MED12L: variants seen among roughly 807,000 people sequenced by gnomAD.
MED12L encodes mediator complex subunit 12L.
A neutral mutation model predicts 281.3 loss-of-function variants in MED12L; 60 were observed. That is an observed-to-expected ratio of 0.21 (90% CI 0.17 to 0.26). The LOEUF is 0.26. Ranked by LOEUF, MED12L falls within the 10% of genes least tolerant of loss-of-function variation. MED12L has a pLI of 1.00. For missense variants in MED12L, 2,146 were observed against 2,680.9 expected, an observed-to-expected ratio of 0.80 and a Z score of 4.41; for synonymous variants, 974 against 987.2, an observed-to-expected ratio of 0.99 and a Z score of 0.25.
At chr3:151,369,382 C>T (rs1755902583) in intron 25 of MED12L, 54 bp from the exon 26 acceptor site, 1 of 1,256,232 alleles carries the variant, frequency 8.0e-7, no homozygotes, top group East Asian at 2.4e-5. Flanking sequence ...TAAATAATTA[C>T]AAAACATTAC....
intron 16 of MED12L, among the ~76,000 whole-genome samples, chr3:151,234,390 T>C (rs1180419609): frequency 6.6e-6 from 1 of 152,236 alleles, no homozygotes; most frequent in East Asian, 1.9e-4. Flanking sequence ...ATAGTTACGT[T>C]GTAGAGCTGA....
In MED12L at chr3:151,188,475, C is replaced by T. The variant is rs761281341; in HGVS notation, c.1748C>T (p.Ser583Phe). 1 of 1,611,168 alleles carries T rather than the reference C, an allele frequency of 6.2e-7. No homozygotes were observed. Among genetic ancestry groups the T allele is most frequent in the Admixed American group, 1.7e-5 (1 of 59,708 alleles). ...AGGTTTTTAGATACACAGGCCCCCT[C>T]TTTGTGTAAGTAGAGAAAACTCTTT... Reference protein sequence around the residue: ...LLRFLDTQAPSLSDPNSECEK... With the variant: ...LLRFLDTQAPFLSDPNSECEK... The change falls in exon 13 of 45, where the codon TCT (serine) becomes TTT (phenylalanine). Residue 583 changes from serine (S) to phenylalanine (F), a missense_variant. Ser to Phe is a radical substitution (Grantham distance 155). This residue lies in a region of MED12L where 722 missense variants were observed against 861.2 expected (regional missense o/e 0.84). Coordinates refer to ENST00000687756, the MANE Select transcript of MED12L (RefSeq NM_001393769.1).
chr3:151,351,301 A>G (rs1185013930), intron 17 of MED12L, among the ~76,000 whole-genome samples: 1 of 152,214 alleles, frequency 6.6e-6, no homozygotes, highest in Non-Finnish European at 1.5e-5. Context: ...GTGTGTTTCT[A>G]TCTGCATATG....
chr3:151,380,040 G>T (rs772330526), intron 31 of MED12L, 73 bp from the exon 32 acceptor site: 197 of 959,750 alleles, frequency 2.1e-4, no homozygotes, highest in Admixed American at 8.8e-4. Context: ...GTGAGGCAAA[G>T]AAATGAATGT....
intron 9 of MED12L, 116 bp from the exon 10 acceptor site, chr3:151,165,303 GC>G: frequency 1.8e-6 from 1 of 543,632 alleles, no homozygotes. Context: ...TTCTTACAAT[GC>G]AGTCAAGATT....
intron 16 of MED12L, among the ~76,000 whole-genome samples, chr3:151,284,953 T>C (rs1743276886): frequency 6.6e-6 from 1 of 152,182 alleles, no homozygotes; most frequent in Non-Finnish European, 1.5e-5. Context: ...AAGGAACAGC[T>C]GTGCTGGTTA....
intron 16 of MED12L, among the ~76,000 whole-genome samples, chr3:151,297,051 T>C (rs1009949256): frequency 2.6e-5 from 4 of 152,174 alleles, no homozygotes; most frequent in African/African-American, 9.7e-5. Flanking sequence ...TTACCATGAG[T>C]GTTTTTAAAA....
intron 11 of MED12L, among the ~76,000 whole-genome samples, chr3:151,167,657 T>G (rs1720889661): frequency 6.6e-6 from 1 of 152,198 alleles, no homozygotes; most frequent in Admixed American, 6.5e-5. Flanking sequence ...TGAGTGTGCT[T>G]TTTAAATTCA....
chr3:151,313,361 G>A (rs889944714), intron 16 of MED12L, among the ~76,000 whole-genome samples: 1 of 152,074 alleles, frequency 6.6e-6, no homozygotes, highest in Non-Finnish European at 1.5e-5. Flanking sequence ...TATACAATAA[G>A]TCTATATCAT....
At chr3:151,284,122 T>G (rs549055011) in intron 16 of MED12L, among the ~76,000 whole-genome samples, 1 of 152,308 alleles carries the variant, frequency 6.6e-6, no homozygotes, top group South Asian at 2.1e-4. Context: ...CCACAGTTGT[T>G]CTGATAAACA....
chr3:151,390,689 A>G (rs926540098), intron 38 of MED12L, among the ~76,000 whole-genome samples: 4 of 152,262 alleles, frequency 2.6e-5, no homozygotes, highest in African/African-American at 4.8e-5. Flanking sequence ...TTTTCTTTCT[A>G]TATGAAACAT....
intron 19 of MED12L, among the ~76,000 whole-genome samples, chr3:151,356,899 A>G (rs1450856855): frequency 6.6e-6 from 1 of 152,082 alleles, no homozygotes; most frequent in African/African-American, 2.4e-5. Context: ...AATAACTTTC[A>G]TTTTATTAAA....
At chr3:151,217,188 T>C (rs1728405164) in intron 16 of MED12L, among the ~76,000 whole-genome samples, 1 of 152,228 alleles carries the variant, frequency 6.6e-6, no homozygotes, top group South Asian at 2.1e-4. Flanking sequence ...TTTAGAAATA[T>C]TGTAGAAGCC....
chr3:151,096,572 C>T (rs1295667446), intron 2 of MED12L, among the ~76,000 whole-genome samples: 3 of 152,106 alleles, frequency 2.0e-5, no homozygotes, highest in Non-Finnish European at 4.4e-5. Context: ...ATATCTGTTT[C>T]TGGCAGAAAG....
At chr3:151,087,199 G>T (rs893898466) in intron 2 of MED12L, among the ~76,000 whole-genome samples, 174 bp downstream of exon 2, 8 of 152,226 alleles carry the variant, frequency 5.3e-5, no homozygotes, top group African/African-American at 1.9e-4. Flanking sequence ...CGGAGACCGA[G>T]CGGCTGTCAG....
At chr3:151,214,768 A>G (rs1226998257) in intron 16 of MED12L, among the ~76,000 whole-genome samples, 2 of 152,182 alleles carry the variant, frequency 1.3e-5, no homozygotes. Flanking sequence ...GGTTCCCTAT[A>G]AAACTCCAGA....
intron 16 of MED12L, among the ~76,000 whole-genome samples, chr3:151,248,301 C>A (rs937224299): frequency 3.3e-5 from 5 of 152,040 alleles, no homozygotes; most frequent in African/African-American, 1.2e-4. Context: ...TGTGACTCAC[C>A]ATTAAATCCA....
intron 6 of MED12L, 80 bp downstream of exon 6, chr3:151,156,410 G>C: frequency 4.4e-6 from 6 of 1,356,498 alleles, no homozygotes; most frequent in Non-Finnish European, 6.0e-6. Flanking sequence ...GTGTTCTGGG[G>C]TTAAATCCTA....
chr3:151,251,269 C>T (rs1279641759), intron 16 of MED12L, among the ~76,000 whole-genome samples: 1 of 152,154 alleles, frequency 6.6e-6, no homozygotes, highest in Non-Finnish European at 1.5e-5. Flanking sequence ...GTTCTTCCTA[C>T]TCAATGTGTC....
Sources: gnomAD v4.1 joint callset for allele counts (sites outside exome capture counted in the v4.1 genomes callset) on GRCh38, gnomAD v4.1.1 for gene constraint, gnomAD v4.1.1 regional missense constraint, MANE v1.5 for transcripts, NCBI Gene and HGNC (gene_info 2026-07-23, HGNC 2026-07-21) for gene names.